The following TMEM175 variants were observed in gnomAD, a reference collection of about 807,000 sequenced individuals.
TMEM175 encodes the protein endosomal/lysosomal proton channel TMEM175.
TMEM175 carries 36 observed loss-of-function variants against 36.5 expected under a neutral mutation model. That is an observed-to-expected ratio of 0.99 (90% CI 0.76 to 1.30). The LOEUF (loss-of-function observed/expected upper bound fraction) is 1.30, where lower values mean the gene tolerates loss of function less well. Among genes scored for constraint, TMEM175 ranks in the 50% most tolerant of loss-of-function variants. TMEM175 has a pLI of 0.00. For synonymous variants in TMEM175, 339 were observed against 313.4 expected, an observed-to-expected ratio of 1.08 and a Z score of -0.86; for missense variants, 705 against 692.8, an observed-to-expected ratio of 1.02 and a Z score of -0.20.
Position 932,677 on chromosome 4 carries a change from G to C in TMEM175, c.-32+137G>C, listed in dbSNP as rs1441626827. ...AGTCAGCCTCCCGTTTGCTGTTAGCGCCGCGTTTGCGAATGGGTTCGCGAA... is the reference window on the plus strand; with the variant it reads ...AGTCAGCCTCCCGTTTGCTGTTAGCCCCGCGTTTGCGAATGGGTTCGCGAA... On this transcript the variant is annotated intron_variant, in intron 1 of 10. Coordinates refer to ENST00000264771, the MANE Select transcript of TMEM175 (RefSeq NM_032326.4). The surrounding 1 kb of genome is among the most constrained non-coding windows in gnomAD (Gnocchi z 4.0). The C allele has an allele frequency of 2.0e-5, 6 of 297,398 alleles. No homozygotes were observed. The highest frequency in any genetic ancestry group is 3.7e-5 in the Non-Finnish European group (6 of 161,598). The allele number at this position is 297,398 out of a possible 1,614,324, so 18.4% of individuals were successfully genotyped here.
At chr4:951,335 A>G (rs1228089120) in intron 5 of TMEM175, 77 bp downstream of exon 5, 1 of 1,538,204 alleles carries the variant, frequency 6.5e-7, no homozygotes, top group East Asian at 2.2e-5. Flanking sequence ...GGAAGGGAGC[A>G]GCCGGCCTCT....
chr4:942,299 T>C (rs913991973), intron 1 of TMEM175, among the ~76,000 whole-genome samples: 3 of 152,126 alleles, frequency 2.0e-5, no homozygotes, highest in African/African-American at 7.2e-5. Context: ...TCTCCTGACC[T>C]TGTGATCCGC....
intron 5 of TMEM175, 94 bp from the exon 6 acceptor site, chr4:951,588 G>T: frequency 1.3e-6 from 2 of 1,545,964 alleles, no homozygotes; most frequent in South Asian, 1.1e-5. Context: ...CTTGGGGAGG[G>T]CCCAGCCCTG....
In TMEM175 at chr4:953,651, G is replaced by A. The variant is rs142656810; in HGVS notation, c.627+297G>A. Among the ~76,000 whole-genome samples, 11 of 152,342 alleles carry A rather than the reference G, an allele frequency of 7.2e-5. No homozygotes were observed. The East Asian group carries it at 1.7e-3, about 24-fold the overall frequency. On this transcript the variant is annotated intron_variant, in intron 8 of 10. Coordinates refer to ENST00000264771, the MANE Select transcript of TMEM175 (RefSeq NM_032326.4). ...CACGATGACGATGACCAGAAACAGC[G>A]ACACCCGGAATCCGGGGGTGCATGC...
intron 3 of TMEM175, chr4:948,520 C>G (rs1257252180): frequency 6.5e-6 from 9 of 1,388,692 alleles, no homozygotes; most frequent in South Asian, 1.2e-5. Flanking sequence ...GCTGCCCCAG[C>G]AGGCAGGCCC....
At chr4:952,250 C>A in intron 6 of TMEM175, 117 bp from the exon 7 acceptor site, 1 of 891,892 alleles carries the variant, frequency 1.1e-6, no homozygotes, top group Non-Finnish European at 1.8e-6. Flanking sequence ...CTGTGATGGC[C>A]CCACCGCATC....
chr4:944,446 G>A, intron 1 of TMEM175, among the ~76,000 whole-genome samples: 1 of 152,190 alleles, frequency 6.6e-6, no homozygotes, highest in African/African-American at 2.4e-5. Flanking sequence ...TTACATGCCT[G>A]TCTGCATTCT....
rs143709968 is a variant in TMEM175 at position 957,839 on chromosome 4, G to A, written c.858G>A (p.Pro286=). 49 of 1,609,458 alleles carry A rather than the reference G, an allele frequency of 3.0e-5. No homozygotes were observed. The highest frequency in any genetic ancestry group is 1.6e-4 in the Middle Eastern group (1 of 6,072). ...LILDICEDNV[P]DPKDVKERFS... ...CTGTTCTCAGCGAAGACAACGTCCCGGACCCCAAGGATGTGAAGGAGAGGT... is the reference window on the plus strand; with the variant it reads ...CTGTTCTCAGCGAAGACAACGTCCCAGACCCCAAGGATGTGAAGGAGAGGT... Residue 286 remains proline (P), a synonymous_variant, in exon 11 of 11, where the codon CCG becomes CCA. Coordinates refer to ENST00000264771, the MANE Select transcript of TMEM175 (RefSeq NM_032326.4).
intron 3 of TMEM175, 104 bp downstream of exon 3, chr4:948,258 C>T (rs763257076): frequency 1.2e-6 from 2 of 1,607,558 alleles, no homozygotes; most frequent in Non-Finnish European, 8.5e-7. Context: ...CTCGAAGCTT[C>T]TGAGGCTTAG....
At position 952,390 on chromosome 4, in the gene TMEM175, T is replaced by C; in HGVS notation, c.402T>C (p.Pro134=). Residue 134 remains proline (P), a synonymous_variant, in exon 7 of 11, where the codon CCT becomes CCC. Coordinates refer to ENST00000264771, the MANE Select transcript of TMEM175 (RefSeq NM_032326.4). Reference sequence around the variant, plus strand: ...AGTTTTCGTTAATGGTGACCTTCCCTGATGTGCCTCTGGGCATCTTCTTGT... The same window carrying C: ...AGTTTTCGTTAATGGTGACCTTCCCCGATGTGCCTCTGGGCATCTTCTTGT... ...PYTFSLMVTF[P]DVPLGIFLFC... 1 of 1,612,186 alleles carries C rather than the reference T, an allele frequency of 6.2e-7. No individual in the cohort carries two copies. The highest frequency in any genetic ancestry group is 8.5e-7 in the Non-Finnish European group (1 of 1,179,974).
At chr4:934,754 G>T (rs900638112) in intron 1 of TMEM175, among the ~76,000 whole-genome samples, 1 of 152,212 alleles carries the variant, frequency 6.6e-6, no homozygotes, top group Admixed American at 6.5e-5. Flanking sequence ...ACAGAAAAAA[G>T]AGGAATAATA....
At chr4:941,022 T>TAATAATAAC (rs1342206866) in intron 1 of TMEM175, among the ~76,000 whole-genome samples, 1 of 140,292 alleles carries the variant, frequency 7.1e-6, no homozygotes, top group Non-Finnish European at 1.5e-5. Context: ...ATAATAATAA[T>TAATAATAAC]AATAATAATA....
chr4:956,626 T>A, intron 10 of TMEM175: 2 of 473,980 alleles, frequency 4.2e-6, no homozygotes, highest in Non-Finnish European at 6.9e-6. Context: ...GCATTTTTAA[T>A]AGAGATGAGG....
At chr4:939,973 C>T (rs1441958148) in intron 1 of TMEM175, among the ~76,000 whole-genome samples, 1 of 152,050 alleles carries the variant, frequency 6.6e-6, no homozygotes. Flanking sequence ...GAATAGATAA[C>T]CTGTAAGTCC....
chr4:958,519 C>T lies in TMEM175; in HGVS notation c.*23C>T, dbSNP rs1711569410. On this transcript the variant is annotated 3_prime_UTR_variant, in exon 11 of 11. Coordinates refer to ENST00000264771, the MANE Select transcript of TMEM175 (RefSeq NM_032326.4). ...TAGCAGCCACAGAGCCCACTCCCAG[C>T]CGTCCTCACCAGAGATGGACCAGGG... The T allele has an allele frequency of 2.0e-6, 3 of 1,472,104 alleles. No individual in the cohort carries two copies. The highest frequency in any genetic ancestry group is 2.7e-6 in the Non-Finnish European group (3 of 1,111,698). 91.2% of individuals were successfully genotyped at this position (1,472,104 alleles called of 1,614,324 possible). A position where few individuals can be genotyped will look rare whatever the true frequency, so the allele number is the denominator to read the frequency against.
chr4:953,125 G>C lies in TMEM175; in HGVS notation c.463-65G>C, dbSNP rs140188963. On this transcript the variant is annotated intron_variant, in intron 7 of 10. Coordinates refer to ENST00000264771, the MANE Select transcript of TMEM175 (RefSeq NM_032326.4). ...CGTGCGTGTGCCATGCAGCCCGGGG[G>C]TTGACTGCTGTGGGGGCCCCCTCTG... The C allele has an allele frequency of 5.3e-6, 8 of 1,510,496 alleles. No homozygotes were observed. In the East Asian group the frequency reaches 1.8e-4, roughly 35 times the overall value. The allele number at this position is 1,510,496 out of a possible 1,614,324, so 93.6% of individuals were successfully genotyped here.
At chr4:940,049 C>T (rs77186370) in intron 1 of TMEM175, among the ~76,000 whole-genome samples, 1 of 152,100 alleles carries the variant, frequency 6.6e-6, no homozygotes, top group African/African-American at 2.4e-5. Context: ...CTTGAAGGAA[C>T]CTTAAATGCA....
chr4:954,237 TCAGCCTCC>T (rs1358858473), intron 8 of TMEM175, among the ~76,000 whole-genome samples: 1 of 152,194 alleles, frequency 6.6e-6, no homozygotes, highest in Non-Finnish European at 1.5e-5. Context: ...TCCACCCACC[TCAGCCTCC>T]CAAAGTGCTG....
intron 7 of TMEM175, 58 bp downstream of exon 7, chr4:952,508 GT>G: frequency 1.4e-6 from 2 of 1,385,516 alleles, no homozygotes; most frequent in Non-Finnish European, 2.0e-6. Context: ...GTGTGTGTGT[GT>G]GTGTGTGTGA....
Sources: gnomAD v4.1 joint callset for allele counts (sites outside exome capture counted in the v4.1 genomes callset) on GRCh38, gnomAD v4.1.1 for gene constraint, Gnocchi (gnomAD v3.1) non-coding constraint, MANE v1.5 for transcripts, NCBI Gene and HGNC (gene_info 2026-07-23, HGNC 2026-07-21) for gene names.